Variants in HADHB observed in about 807,000 individuals in gnomAD.
HADHB encodes trifunctional enzyme subunit beta, mitochondrial.
In HADHB, 50 loss-of-function variants were observed where a neutral mutation model predicts 61.9. The observed-to-expected ratio is 0.81, with a 90% confidence interval of 0.64 to 1.02. The LOEUF is 1.02. Ranked by LOEUF, HADHB falls within the 50% of genes least tolerant of loss-of-function variation. The pLI is 0.00. For synonymous variants in HADHB, 191 were observed against 201.6 expected (o/e 0.95, Z 0.45); for missense variants, 504 against 586.5 (o/e 0.86, Z 1.45).
At chr2:26,263,859 A>G (rs1259460029) in intron 4 of HADHB, among the ~76,000 whole-genome samples, 1 of 152,090 alleles carries the variant, frequency 6.6e-6, no homozygotes, top group Non-Finnish European at 1.5e-5. Context: ...TATATAATCC[A>G]CTGGTTTGGC....
rs180763739 is a variant in HADHB, at chr2:26,279,107, C to A, written c.631-28C>A. The A allele has an allele frequency of 1.1e-5, 18 of 1,585,006 alleles. No homozygotes were observed. The East Asian group carries it at 3.4e-4, about 30-fold the overall frequency. ...TAGCATAACACCGGTTAACAGTGTA[C>A]CTGCTCCTTGGATATCTCCTTTCCC... is the stretch of plus-strand genomic sequence containing the variant. On this transcript the variant is annotated intron_variant, in intron 8 of 15. Transcript: ENST00000317799.
chr2:26,265,978 A>T (rs1198749543), intron 4 of HADHB, among the ~76,000 whole-genome samples: 1 of 152,062 alleles, frequency 6.6e-6, no homozygotes, highest in Non-Finnish European at 1.5e-5. Flanking sequence ...AGGCGGGAGG[A>T]TCATTCAAGG....
At chr2:26,251,426 G>A (rs766952029) in intron 1 of HADHB, among the ~76,000 whole-genome samples, 34 of 152,104 alleles carry the variant, frequency 2.2e-4, no homozygotes, top group Non-Finnish European at 1.6e-4. Flanking sequence ...GGGCTCAAGT[G>A]ATCCTCCCAC....
intron 1 of HADHB, among the ~76,000 whole-genome samples, chr2:26,248,352 T>G (rs1230780239): frequency 6.6e-6 from 1 of 152,172 alleles, no homozygotes; most frequent in Non-Finnish European, 1.5e-5. Context: ...TCCACAAATA[T>G]AAACAGTGCT....
chr2:26,280,194 T>C, intron 10 of HADHB, 79 bp downstream of exon 10: 1 of 1,137,214 alleles, frequency 8.8e-7, no homozygotes, highest in Non-Finnish European at 1.3e-6. Flanking sequence ...ATATAACTTT[T>C]TGTGTGTGTT....
At chr2:26,276,019 G>A (rs1227975720) in intron 6 of HADHB, among the ~76,000 whole-genome samples, 1 of 152,042 alleles carries the variant, frequency 6.6e-6, no homozygotes, top group East Asian at 1.9e-4. Flanking sequence ...TATGTGGGAG[G>A]AAATCTGGAA....
At chr2:26,284,714 G>A (rs764609378) in intron 13 of HADHB, among the ~76,000 whole-genome samples, 169 bp from the exon 14 acceptor site, 1 of 152,016 alleles carries the variant, frequency 6.6e-6, no homozygotes, top group Non-Finnish European at 1.5e-5. Flanking sequence ...TGATCCACCC[G>A]CCTTGGCCTC....
intron 15 of HADHB, 84 bp from the exon 16 acceptor site, chr2:26,289,834 C>G: frequency 1.1e-6 from 1 of 947,358 alleles, no homozygotes; most frequent in South Asian, 1.3e-5. Context: ...AAAGCCTGTA[C>G]TTTTCTCCTT....
chr2:26,250,350 C>G (rs1000275876), intron 1 of HADHB, among the ~76,000 whole-genome samples: 1 of 152,148 alleles, frequency 6.6e-6, no homozygotes, highest in Non-Finnish European at 1.5e-5. Flanking sequence ...TTATGGGTAT[C>G]AACCCTTTTC....
chr2:26,253,222 C>T (rs1671469479), intron 1 of HADHB, among the ~76,000 whole-genome samples: 1 of 152,062 alleles, frequency 6.6e-6, no homozygotes, highest in African/African-American at 2.4e-5. Context: ...ATATATTTTA[C>T]ATATTTTTTA....
intron 3 of HADHB, among the ~76,000 whole-genome samples, chr2:26,255,391 T>C (rs979598290): frequency 6.6e-6 from 1 of 151,738 alleles, no homozygotes; most frequent in South Asian, 2.1e-4. Flanking sequence ...TCCCAGCTAC[T>C]TGGGAGGCTG....
intron 1 of HADHB, among the ~76,000 whole-genome samples, chr2:26,246,883 C>A (rs954796683): frequency 6.6e-6 from 1 of 152,176 alleles, no homozygotes; most frequent in African/African-American, 2.4e-5. Context: ...CTGGTAATAG[C>A]AAACACAGGT....
chr2:26,248,669 T>C (rs902061482), intron 1 of HADHB, among the ~76,000 whole-genome samples: 1 of 152,202 alleles, frequency 6.6e-6, no homozygotes, highest in African/African-American at 2.4e-5. Context: ...TTAGATGCAT[T>C]CTTACTAGAA....
At chr2:26,245,240 T>C (rs1671083037) in intron 1 of HADHB, 1 of 176,068 alleles carries the variant, frequency 5.7e-6, no homozygotes, top group Admixed American at 5.4e-5. Context: ...TCATCACAAG[T>C]TAACGAAGTC....
At chr2:26,259,029 A>G (rs1671755076) in intron 3 of HADHB, among the ~76,000 whole-genome samples, 1 of 152,182 alleles carries the variant, frequency 6.6e-6, no homozygotes, top group African/African-American at 2.4e-5. Context: ...TCTCACCATG[A>G]TGAAACCCTA....
At chr2:26,276,092 CATTA>C (rs1251877348) in intron 6 of HADHB, among the ~76,000 whole-genome samples, 3 of 152,066 alleles carry the variant, frequency 2.0e-5, no homozygotes, top group African/African-American at 7.2e-5. Context: ...TGCACCTGTG[CATTA>C]ATTATTTACA....
At chr2:26,287,689 C>T (rs1344268686) in intron 15 of HADHB, among the ~76,000 whole-genome samples, 2 of 152,202 alleles carry the variant, frequency 1.3e-5, no homozygotes, top group Admixed American at 1.3e-4. Context: ...TGAGCAATAC[C>T]AACATGGTTG....
intron 10 of HADHB, among the ~76,000 whole-genome samples, chr2:26,280,932 G>GC (rs1672762713): frequency 6.7e-6 from 1 of 149,980 alleles, no homozygotes; most frequent in Non-Finnish European, 1.5e-5. Context: ...AAGTATGAGA[G>GC]CAAGGGGTTC....
intron 3 of HADHB, chr2:26,261,162 C>T (rs1316417210): frequency 9.2e-6 from 6 of 652,328 alleles, no homozygotes; most frequent in Non-Finnish European, 1.4e-5. Context: ...CAGGGCAACT[C>T]CCTTTAGAGG....
Sources: gnomAD v4.1 joint callset for allele counts (sites outside exome capture counted in the v4.1 genomes callset) on GRCh38, gnomAD v4.1.1 for gene constraint, MANE v1.5 for transcripts, NCBI Gene and HGNC (gene_info 2026-07-23, HGNC 2026-07-21) for gene names.